GRIP1: variants seen among roughly 807,000 people sequenced by gnomAD.
GRIP1 encodes the protein glutamate receptor interacting protein 1.
GRIP1 carries 45 observed loss-of-function variants against 129.9 expected under a neutral mutation model. The observed-to-expected ratio is 0.35, with a 90% CI of 0.27 to 0.44. The LOEUF (loss-of-function observed/expected upper bound fraction) is 0.44, where lower values mean the gene tolerates loss of function less well. GRIP1 is among the 20% of genes least tolerant of loss of function. GRIP1 has a pLI of 1.00. For synonymous variants in GRIP1, 530 were observed against 520.8 expected (o/e 1.02, Z -0.24); for missense variants, 1,196 against 1,396.8 (o/e 0.86, Z 2.29).
intron 16 of GRIP1, among the ~76,000 whole-genome samples, chr12:66,400,362 C>T (rs2056940531): frequency 6.6e-6 from 1 of 152,124 alleles, no homozygotes; most frequent in African/African-American, 2.4e-5. Flanking sequence ...GCCAACACAC[C>T]TCTTTCCACT....
At chr12:66,657,666 C>T (rs1277905709) in intron 1 of GRIP1, among the ~76,000 whole-genome samples, 4 of 152,196 alleles carry the variant, frequency 2.6e-5, no homozygotes, top group Non-Finnish European at 4.4e-5. Context: ...CACACCATCC[C>T]TTATCCCATG....
At chr12:66,759,185 A>G (rs1258973757) in intron 1 of GRIP1, among the ~76,000 whole-genome samples, 1 of 152,074 alleles carries the variant, frequency 6.6e-6, no homozygotes, top group Non-Finnish European at 1.5e-5. Flanking sequence ...GGTTCCCAAA[A>G]CTCAAATTTT....
chr12:67,028,374 A>G (rs187294129), intron 1 of GRIP1, among the ~76,000 whole-genome samples: 18 of 152,348 alleles, frequency 1.2e-4, no homozygotes, highest in Admixed American at 1.2e-3. Flanking sequence ...TTTGAATAGA[A>G]CGACTTTTAA....
chr12:66,732,747 G>A (rs1424242001), intron 1 of GRIP1, among the ~76,000 whole-genome samples: 2 of 152,128 alleles, frequency 1.3e-5, no homozygotes, highest in East Asian at 1.9e-4. Context: ...TAAGGCTTCT[G>A]GTCAACAGTA....
chr12:66,947,172 T>C (rs55842550), intron 1 of GRIP1, among the ~76,000 whole-genome samples: 12,900 of 152,244 alleles, frequency 0.085, 738 homozygotes, highest in Non-Finnish European at 0.13. Context: ...GCTTTTATCA[T>C]ATAATGGCTG....
chr12:66,463,873 C>T (rs762333232), intron 8 of GRIP1, among the ~76,000 whole-genome samples: 38 of 152,144 alleles, frequency 2.5e-4, no homozygotes, highest in Non-Finnish European at 5.0e-4. Flanking sequence ...CTGGTTACCC[C>T]CTGTGGAATG....
chr12:66,937,052 C>T (rs772704527), intron 1 of GRIP1, among the ~76,000 whole-genome samples: 1 of 152,038 alleles, frequency 6.6e-6, no homozygotes, highest in Non-Finnish European at 1.5e-5. Flanking sequence ...TTTCTCTGGA[C>T]GATTTTTCTC....
intron 19 of GRIP1, among the ~76,000 whole-genome samples, chr12:66,382,594 T>A (rs910444708): frequency 1.3e-5 from 2 of 152,188 alleles, no homozygotes; most frequent in Non-Finnish European, 1.5e-5. Context: ...ATTGTTACTA[T>A]ATACTAAGCC....
intron 2 of GRIP1, among the ~76,000 whole-genome samples, chr12:66,551,167 T>C (rs556906459): frequency 6.6e-6 from 1 of 152,242 alleles, no homozygotes; most frequent in Non-Finnish European, 1.5e-5. Flanking sequence ...CTAAAAACGT[T>C]TTTAAGCATT....
upstream of GRIP1, among the ~76,000 whole-genome samples, chr12:66,681,149 C>G (rs2034568368): frequency 6.6e-6 from 1 of 152,134 alleles, no homozygotes; most frequent in Non-Finnish European, 1.5e-5. Context: ...CAATCCATAT[C>G]TATCCTATTA....
At chr12:66,421,661 GAC>G (rs2057806500) in intron 14 of GRIP1, among the ~76,000 whole-genome samples, 4 of 55,166 alleles carry the variant, frequency 7.3e-5, no homozygotes, top group African/African-American at 1.9e-4. Flanking sequence ...CTTGGAATGT[GAC>G]TTTTTTTTTT....
At chr12:66,659,459 C>A (rs1162272480) in intron 1 of GRIP1, among the ~76,000 whole-genome samples, 1 of 152,146 alleles carries the variant, frequency 6.6e-6, no homozygotes, top group Non-Finnish European at 1.5e-5. Context: ...TTTTTGCAAA[C>A]AACTTTGCTC....
chr12:66,381,775 T>C (rs192178524), intron 19 of GRIP1, among the ~76,000 whole-genome samples: 127 of 152,340 alleles, frequency 8.3e-4, no homozygotes, highest in African/African-American at 3.0e-3. Flanking sequence ...TGTGTATCTC[T>C]AATAAGGATG....
At chr12:66,370,513 T>C (rs565273458) in intron 23 of GRIP1, among the ~76,000 whole-genome samples, 2 of 152,296 alleles carry the variant, frequency 1.3e-5, no homozygotes, top group East Asian at 3.9e-4. Context: ...TTGAGGTCTT[T>C]AGAGGAAAAA....
chr12:66,942,380 T>C (rs1366105422), intron 1 of GRIP1, among the ~76,000 whole-genome samples: 1 of 151,972 alleles, frequency 6.6e-6, no homozygotes, highest in Non-Finnish European at 1.5e-5. Context: ...TGTAGATGAC[T>C]GCCAAGCATA....
intron 7 of GRIP1, among the ~76,000 whole-genome samples, chr12:66,500,020 A>G (rs1242200373): frequency 6.6e-6 from 1 of 152,118 alleles, no homozygotes; most frequent in Non-Finnish European, 1.5e-5. Context: ...CAAACAAAAA[A>G]CCCCAAGAAA....
At chr12:66,682,077 A>C (rs1357491853), upstream of GRIP1, among the ~76,000 whole-genome samples, 1 of 152,080 alleles carries the variant, frequency 6.6e-6, no homozygotes, top group Non-Finnish European at 1.5e-5. Context: ...ATAGCTTCTC[A>C]CCCCTGGCTA....
At chr12:66,923,080 G>A (rs2041239585) in intron 1 of GRIP1, among the ~76,000 whole-genome samples, 1 of 152,176 alleles carries the variant, frequency 6.6e-6, no homozygotes, top group African/African-American at 2.4e-5. Context: ...TTCTACGAGA[G>A]AAAGATGCAC....
intron 1 of GRIP1, among the ~76,000 whole-genome samples, chr12:66,603,198 C>A (rs2064360131): frequency 6.6e-6 from 1 of 150,766 alleles, no homozygotes; most frequent in African/African-American, 2.4e-5. Context: ...AAAAAACACC[C>A]AAACAGAGCA....
Sources: allele counts gnomAD v4.1 joint callset (sites outside exome capture counted in the v4.1 genomes callset), GRCh38; gene constraint gnomAD v4.1.1; transcripts MANE v1.5; gene names NCBI Gene and HGNC (gene_info 2026-07-23, HGNC 2026-07-21).